ERAP1: variants seen among roughly 807,000 people sequenced by gnomAD.
ERAP1 encodes the protein endoplasmic reticulum aminopeptidase 1.
A neutral mutation model predicts 103.7 loss-of-function variants in ERAP1; 86 were observed. The observed-to-expected ratio is 0.83, with a 90% CI of 0.70 to 0.99. ERAP1 has a LOEUF of 0.99. ERAP1 is among the 50% of genes least tolerant of loss of function. ERAP1 has a pLI of 0.00. For missense variants in ERAP1, 1,009 were observed against 1,128.4 expected, an observed-to-expected ratio of 0.89 and a Z score of 1.52; for synonymous variants, 398 against 402.4, an observed-to-expected ratio of 0.99 and a Z score of 0.13.
chr5:96,863,248 C>T, the ERAP1 span, among the ~76,000 whole-genome samples: 1 of 152,046 alleles, frequency 6.6e-6, no homozygotes, highest in African/African-American at 2.4e-5. Context: ...CACCCTCCCT[C>T]ACAATTTGCC....
chr5:96,818,911 T>A, the ERAP1 span, among the ~76,000 whole-genome samples: 1 of 150,214 alleles, frequency 6.7e-6, no homozygotes, highest in African/African-American at 2.4e-5. Flanking sequence ...TATTTATTTA[T>A]TTATTTATTT....
chr5:96,814,250 G>A, the ERAP1 span: 1 of 456,222 alleles, frequency 2.2e-6, no homozygotes, highest in Admixed American at 2.3e-5. Flanking sequence ...GCTGCTCTCA[G>A]ATATGACTAG....
At chr5:96,791,041 G>A (rs1776679991) in intron 8 of ERAP1, among the ~76,000 whole-genome samples, 1 of 152,208 alleles carries the variant, frequency 6.6e-6, no homozygotes, top group South Asian at 2.1e-4. Flanking sequence ...AGTACAACAA[G>A]GGGTGGAGCA....
the ERAP1 span, among the ~76,000 whole-genome samples, chr5:96,927,721 C>CGTGAT: frequency 1.3e-5 from 2 of 152,146 alleles, no homozygotes; most frequent in Non-Finnish European, 2.9e-5. Flanking sequence ...CTCCTCACCT[C>CGTGAT]GTGATTTGCC....
At chr5:96,919,426 G>GT in the ERAP1 span, 3 of 152,162 alleles carry the variant, frequency 2.0e-5, no homozygotes, top group Non-Finnish European at 4.4e-5. Flanking sequence ...AATTGAAAAA[G>GT]TAAAACATAC....
At chr5:96,832,142 C>A in the ERAP1 span, among the ~76,000 whole-genome samples, 21 of 152,214 alleles carry the variant, frequency 1.4e-4, no homozygotes, top group Admixed American at 3.3e-4. Context: ...ACCTAACATA[C>A]CAATTTTACA....
chr5:96,773,456 G>A (rs369519115), downstream of ERAP1: 26 of 152,442 alleles, frequency 1.7e-4, no homozygotes, highest in East Asian at 3.9e-3. Flanking sequence ...TTAGTAAACT[G>A]TGCTTTCTAT....
the ERAP1 span, among the ~76,000 whole-genome samples, chr5:96,847,944 C>A: frequency 6.7e-6 from 1 of 149,232 alleles, no homozygotes; most frequent in African/African-American, 2.4e-5. Flanking sequence ...AGAGTTAGTA[C>A]AAGGAAGGAA....
chr5:96,888,525 CTG>C, the ERAP1 span, among the ~76,000 whole-genome samples: 1 of 152,190 alleles, frequency 6.6e-6, no homozygotes, highest in Admixed American at 6.5e-5. Context: ...GCCTGGTAAA[CTG>C]TCAAAAAATG....
chr5:96,854,644 G>T, the ERAP1 span, among the ~76,000 whole-genome samples: 1 of 152,094 alleles, frequency 6.6e-6, no homozygotes, highest in South Asian at 2.1e-4. Context: ...TCCAATACAG[G>T]TTTGAAATCA....
At chr5:96,762,216 C>A in exon 20 of ERAP1, 1 of 1,054,054 alleles carries the variant, frequency 9.5e-7, no homozygotes, top group Non-Finnish European at 1.4e-6. Flanking sequence ...TAAGTGATGG[C>A]ATTGTGCTCA....
chr5:96,773,499 T>A (rs188195043), downstream of ERAP1: 1 of 152,450 alleles, frequency 6.6e-6, no homozygotes, highest in African/African-American at 2.4e-5. Context: ...AGCAACTGTG[T>A]CTTTAGAGCT....
At chr5:96,790,921 A>G (rs1234523633) in intron 8 of ERAP1, among the ~76,000 whole-genome samples, 1 of 152,120 alleles carries the variant, frequency 6.6e-6, no homozygotes, top group Non-Finnish European at 1.5e-5. Flanking sequence ...TCATCTGCCA[A>G]CTCCCTTTGT....
At chr5:96,825,605 G>A in the ERAP1 span, among the ~76,000 whole-genome samples, 5 of 152,140 alleles carry the variant, frequency 3.3e-5, no homozygotes, top group African/African-American at 1.2e-4. Context: ...ATGAAAGGAA[G>A]AAGACAAGCA....
chr5:96,773,441 C>T (rs1002021073), downstream of ERAP1: 4 of 152,356 alleles, frequency 2.6e-5, no homozygotes, highest in Admixed American at 1.3e-4. Context: ...TGTTGGTTTA[C>T]TGTGTTAGTA....
rs111918413 is a variant in ERAP1 at position 96,797,842 on chromosome 5, T to C, written c.664-533A>G. Among the ~76,000 whole-genome samples, 402 of 152,348 alleles carry C rather than the reference T, an allele frequency of 2.6e-3. 2 individuals are homozygous for C. Among genetic ancestry groups the C allele is most frequent in the South Asian group, 6.8e-3 (33 of 4,830 alleles). ...TAAATCCACATTTGGCATATGTGGA[T>C]TGATAACACGGATGAGACAAAGCAA... On this transcript the variant is annotated intron_variant, in intron 3 of 18. Transcript: ENST00000443439.
the ERAP1 span, among the ~76,000 whole-genome samples, chr5:96,897,782 C>T: frequency 6.6e-6 from 1 of 152,132 alleles, no homozygotes; most frequent in African/African-American, 2.4e-5. Context: ...GAACTCATAC[C>T]TGTAATTAGA....
At chr5:96,924,616 A>G in the ERAP1 span, among the ~76,000 whole-genome samples, 1 of 150,850 alleles carries the variant, frequency 6.6e-6, no homozygotes, top group Admixed American at 6.6e-5. Context: ...TTTTTTTTGA[A>G]ATGTAGTCTT....
chr5:96,839,630 C>T, the ERAP1 span, among the ~76,000 whole-genome samples: 183 of 152,312 alleles, frequency 1.2e-3, no homozygotes, highest in African/African-American at 4.3e-3. Flanking sequence ...CAGGGCCCCG[C>T]ATGATCATTT....
Sources: allele counts gnomAD v4.1 joint callset (sites outside exome capture counted in the v4.1 genomes callset), GRCh38; gene constraint gnomAD v4.1.1; transcripts MANE v1.5; gene names NCBI Gene and HGNC (gene_info 2026-07-23, HGNC 2026-07-21).